Variants in FAM3B observed in about 807,000 individuals in gnomAD.
FAM3B encodes FAM3 metabolism regulating signaling molecule B, also known as protein FAM3B.
A neutral mutation model predicts 28.4 loss-of-function variants in FAM3B; 29 were observed. That is an observed-to-expected ratio of 1.02 (90% CI 0.76 to 1.39). The LOEUF (loss-of-function observed/expected upper bound fraction) is 1.39. FAM3B is among the 40% of genes most tolerant of loss of function. The pLI is 0.00. For missense variants in FAM3B, 266 were observed against 293.9 expected (o/e 0.91, Z 0.69); for synonymous variants, 91 against 103.0 (o/e 0.88, Z 0.71).
At chr21:41,357,074 A>G in intron 7 of FAM3B, 34 bp from the exon 8 acceptor site, 3 of 1,473,698 alleles carry the variant, frequency 2.0e-6, no homozygotes, top group South Asian at 1.2e-5. Context: ...TATTAGATTA[A>G]TGAATAAATA....
At chr21:41,305,460 G>A (rs185631441) in intron 1 of FAM3B, among the ~76,000 whole-genome samples, 141 of 152,056 alleles carry the variant, frequency 9.3e-4, no homozygotes, top group African/African-American at 3.3e-3. Flanking sequence ...ATGAGTTTTT[G>A]TTTTGTTTTG....
At chr21:41,311,248 AAAAATATAT>A (rs1384685762) in intron 1 of FAM3B, among the ~76,000 whole-genome samples, 5 of 64,252 alleles carry the variant, frequency 7.8e-5, no homozygotes, top group African/African-American at 1.8e-4. Context: ...AAAAAAAAAA[AAAAATATAT>A]ATATATATAT....
rs368472948 is a variant in FAM3B, at chr21:41,324,482, G to T, written c.163+1416G>T. 5.9e-5 allele frequency among the ~76,000 whole-genome samples: 9 copies of T among 152,262 alleles called. No individual in the cohort carries two copies. The East Asian group carries it at 9.7e-4, about 16-fold the overall frequency. ...GAAACAAGGAAAACGAGGTCCTTGT[G>T]CTTTATACATAGATTATCTGTAAGT... On this transcript the variant is annotated intron_variant, in intron 2 of 7. Coordinates refer to ENST00000357985, the MANE Select transcript of FAM3B (RefSeq NM_058186.4).
rs542112926 is a variant in FAM3B at position 41,338,264 on chromosome 21, C to T, written c.164-114C>T. The T allele has an allele frequency of 2.8e-5, 36 of 1,300,592 alleles. No homozygotes were observed. In the African/African-American group the frequency reaches 3.7e-4, roughly 13 times the overall value. 80.6% of individuals were successfully genotyped at this position (1,300,592 alleles called of 1,614,324 possible). A position where few individuals can be genotyped will look rare whatever the true frequency, so the allele number is the denominator to read the frequency against. ...GGAAACCCTTCCCCCTCAGGTTTTC[C>T]GACCGCTGCTTGGAGTTTCTGGTAT... is the stretch of plus-strand genomic sequence containing the variant. On this transcript the variant is annotated intron_variant, in intron 2 of 7. Coordinates refer to ENST00000357985, the MANE Select transcript of FAM3B (RefSeq NM_058186.4).
intron 7 of FAM3B, 44 bp from the exon 8 acceptor site, chr21:41,357,064 T>C (rs1439804069): frequency 7.0e-7 from 1 of 1,437,068 alleles, no homozygotes; most frequent in Non-Finnish European, 9.6e-7. Flanking sequence ...AATACTTGTT[T>C]ATTAGATTAA....
At chr21:41,337,128 G>A (rs545945682) in intron 2 of FAM3B, among the ~76,000 whole-genome samples, 2 of 152,152 alleles carry the variant, frequency 1.3e-5, no homozygotes, top group Non-Finnish European at 2.9e-5. Context: ...GATATTTTAT[G>A]TATAATCTAC....
chr21:41,340,235 C>T (rs1425876532), intron 3 of FAM3B, among the ~76,000 whole-genome samples: 1 of 150,380 alleles, frequency 6.6e-6, no homozygotes, highest in Non-Finnish European at 1.5e-5. Context: ...CTCACTGCAA[C>T]CTCCGCCTTC....
At chr21:41,355,900 A>G (rs2089160801) in intron 7 of FAM3B, among the ~76,000 whole-genome samples, 1 of 152,180 alleles carries the variant, frequency 6.6e-6, no homozygotes, top group Admixed American at 6.5e-5. Context: ...TATTAACAAA[A>G]TGCACCTTAC....
chr21:41,327,124 A>G (rs996653626), intron 2 of FAM3B, among the ~76,000 whole-genome samples: 3 of 152,248 alleles, frequency 2.0e-5, no homozygotes, highest in Non-Finnish European at 4.4e-5. Context: ...ATGCATCTGA[A>G]ATAAACTTTA....
chr21:41,304,809 G>A (rs1169246621), intron 1 of FAM3B, among the ~76,000 whole-genome samples: 1 of 152,204 alleles, frequency 6.6e-6, no homozygotes, highest in Non-Finnish European at 1.5e-5. Flanking sequence ...GGTGCCAGTA[G>A]GAACGTTCCC....
At chr21:41,312,717 G>A (rs1055845877), upstream of FAM3B, among the ~76,000 whole-genome samples, 3 of 141,470 alleles carry the variant, frequency 2.1e-5, no homozygotes, top group South Asian at 4.4e-4. Flanking sequence ...CACTGTGTGT[G>A]TGAGAGTGTG....
In FAM3B at chr21:41,348,585, C is replaced by T. The variant is rs1263420955; in HGVS notation, c.486-7C>T. On this transcript the variant is annotated splice_region_variant and splice_polypyrimidine_tract_variant and intron_variant, in intron 6 of 7. Coordinates refer to ENST00000357985, the MANE Select transcript of FAM3B (RefSeq NM_058186.4). ...GATGCTCACATGCTTTTCCCTTTGT[C>T]CTGCAGACTGAATAACGATGCCAAG... is the stretch of plus-strand genomic sequence containing the variant. 6.2e-7 allele frequency: 1 copy of T among 1,614,166 alleles called. No homozygotes were observed. The highest frequency in any genetic ancestry group is 1.1e-5 in the South Asian group (1 of 91,080).
At position 41,326,416 on chromosome 21, in the gene FAM3B, C is replaced by T. The variant is rs905110078; in HGVS notation, c.163+3350C>T. On this transcript the variant is annotated intron_variant, in intron 2 of 7. Coordinates refer to ENST00000357985, the MANE Select transcript of FAM3B (RefSeq NM_058186.4). This position sits in a 1 kb window ranked among gnomAD's most constrained non-coding sequence, Gnocchi z 4.0. ...AGGCCCTGTGAGGAAACACAAATGC[C>T]CATCTGTGTGTCACCCATAGTCACT... 2.6e-5 allele frequency among the ~76,000 whole-genome samples: 4 copies of T among 152,176 alleles called. No homozygotes were observed. The highest frequency in any genetic ancestry group is 6.5e-5 in the Admixed American group (1 of 15,286).
intron 2 of FAM3B, among the ~76,000 whole-genome samples, chr21:41,325,170 G>C (rs188729766): frequency 2.0e-5 from 3 of 152,210 alleles, no homozygotes; most frequent in Admixed American, 1.3e-4. Context: ...AATTGGGAAG[G>C]GGTGAAAGAA....
rs762144962 is a variant in FAM3B, at chr21:41,323,068, T to G, written c.163+2T>G. Reference sequence around the variant, plus strand: ...TCGGGGAGAGGCCTGTCCTCAAAGGTGAGTGCCGTGCTTGGGGCAGACGGC... The same window carrying G: ...TCGGGGAGAGGCCTGTCCTCAAAGGGGAGTGCCGTGCTTGGGGCAGACGGC... On this transcript the variant is annotated splice_donor_variant, in intron 2 of 7. Transcript: ENST00000357985. LOFTEE classifies it high-confidence loss of function. 6.2e-7 allele frequency: 1 copy of G among 1,602,924 alleles called. No homozygotes were observed. The highest frequency in any genetic ancestry group is 8.5e-7 in the Non-Finnish European group (1 of 1,179,832).
At chr21:41,328,125 G>A (rs781436515) in intron 2 of FAM3B, among the ~76,000 whole-genome samples, 11 of 152,168 alleles carry the variant, frequency 7.2e-5, no homozygotes, top group African/African-American at 1.7e-4. Context: ...CACTGCCCAC[G>A]GGAAAGTGGA....
At chr21:41,351,696 C>A (rs894441771) in intron 7 of FAM3B, among the ~76,000 whole-genome samples, 1 of 152,250 alleles carries the variant, frequency 6.6e-6, no homozygotes, top group African/African-American at 2.4e-5. Flanking sequence ...ACTCCCACTC[C>A]ACCTGCTATT....
chr21:41,338,252 C>A (rs1273001050), intron 2 of FAM3B, 126 bp from the exon 3 acceptor site: 11 of 1,064,936 alleles, frequency 1.0e-5, no homozygotes, highest in South Asian at 3.1e-5. Context: ...AACCCTTCCC[C>A]CTCAGGTTTT....
upstream of FAM3B, among the ~76,000 whole-genome samples, chr21:41,312,722 A>AGTGTGTGTGTGTGTGTGTGTGTGT (rs10580404): frequency 9.4e-5 from 14 of 148,324 alleles, no homozygotes; most frequent in Middle Eastern, 3.6e-3. Context: ...TGTGTGTGAG[A>AGTGTGTGTGTGTGTGTGTGTGTGT]GTGTGTGTGT....
Sources: gnomAD v4.1 joint callset for allele counts (sites outside exome capture counted in the v4.1 genomes callset) on GRCh38, gnomAD v4.1.1 for gene constraint, Gnocchi (gnomAD v3.1) non-coding constraint, MANE v1.5 for transcripts, NCBI Gene and HGNC (gene_info 2026-07-23, HGNC 2026-07-21) for gene names.